Variants in WNK3 observed in about 807,000 individuals in gnomAD.
WNK3 encodes the protein serine/threonine-protein kinase WNK3.
In WNK3, 18 loss-of-function variants were observed where a neutral mutation model predicts 116.7. That is an observed-to-expected ratio of 0.15 (90% CI 0.11 to 0.23). WNK3 has a LOEUF of 0.23. Ranked by LOEUF, WNK3 falls within the 10% of genes least tolerant of loss-of-function variation. WNK3 has a pLI of 1.00. For synonymous variants in WNK3, 404 were observed against 469.4 expected (o/e 0.86, Z 1.80); for missense variants, 993 against 1,323.8 (o/e 0.75, Z 3.88).
intron 1 of WNK3, among the ~76,000 whole-genome samples, chrX:54,355,217 A>G (rs190143049): frequency 9.8e-5 from 11 of 112,025 alleles, no homozygotes; most frequent in Non-Finnish European, 2.1e-4. Flanking sequence ...AAGAAAGTTA[A>G]GTCAACACTA....
chrX:54,234,525 C>G (rs926397744), intron 20 of WNK3, among the ~76,000 whole-genome samples: 3 of 111,427 alleles, frequency 2.7e-5, no homozygotes, highest in Non-Finnish European at 5.7e-5. Flanking sequence ...TTAAAAGAAC[C>G]ATTAAAAACA....
chrX:54,303,306 A>G (rs782588086), intron 5 of WNK3, among the ~76,000 whole-genome samples: 9 of 111,231 alleles, frequency 8.1e-5, no homozygotes, highest in Non-Finnish European at 1.5e-4. Flanking sequence ...AGTCCAGACA[A>G]TTCAAAATGT....
chrX:54,219,939 G>C (rs1457478158), intron 22 of WNK3, among the ~76,000 whole-genome samples: 5 of 111,751 alleles, frequency 4.5e-5, no homozygotes, highest in Non-Finnish European at 7.5e-5. Flanking sequence ...AGTTGTGAGA[G>C]TTCAAAGGTG....
intron 2 of WNK3, among the ~76,000 whole-genome samples, chrX:54,314,314 G>A (rs782080316): frequency 6.9e-4 from 76 of 110,119 alleles, no homozygotes; most frequent in African/African-American, 2.2e-3. Flanking sequence ...AACAACACAT[G>A]TGAGTTTTGT....
chrX:54,321,504 T>C (rs1470581396), intron 2 of WNK3, among the ~76,000 whole-genome samples: 2 of 111,405 alleles, frequency 1.8e-5, no homozygotes, highest in African/African-American at 6.5e-5. Flanking sequence ...GATGGTGTAG[T>C]ACCCCAGAAC....
chrX:54,279,629 T>C (rs1557161894), intron 10 of WNK3, among the ~76,000 whole-genome samples: 1 of 112,076 alleles, frequency 8.9e-6, no homozygotes, highest in Non-Finnish European at 1.9e-5. Flanking sequence ...TGCATGGTCC[T>C]TACATTTTAT....
chrX:54,255,620 GA>G, intron 12 of WNK3, 119 bp downstream of exon 12: 1 of 574,247 alleles, frequency 1.7e-6, no homozygotes, highest in Non-Finnish European at 2.6e-6. Context: ...CTGTAACGGA[GA>G]AAAGGTTAGT....
At chrX:54,304,706 G>C in intron 5 of WNK3, among the ~76,000 whole-genome samples, 1 of 111,577 alleles carries the variant, frequency 9.0e-6, no homozygotes, top group Non-Finnish European at 1.9e-5. Flanking sequence ...GGTCCATAGG[G>C]TAGGGTGTGC....
At chrX:54,230,335 C>T (rs2067887106) in intron 21 of WNK3, among the ~76,000 whole-genome samples, 2 of 110,371 alleles carry the variant, frequency 1.8e-5, no homozygotes, top group East Asian at 5.7e-4. Flanking sequence ...AAACAGGATA[C>T]AAAAAAATAG....
chrX:54,232,686 GAAT>G, intron 21 of WNK3, 120 bp downstream of exon 21: 2 of 597,079 alleles, frequency 3.3e-6, no homozygotes, highest in Non-Finnish European at 2.5e-6. Context: ...AATAATCTCA[GAAT>G]AATGTGTACT....
chrX:54,316,060 G>C (rs2068951485), intron 2 of WNK3, among the ~76,000 whole-genome samples: 1 of 111,138 alleles, frequency 9.0e-6, no homozygotes, highest in Non-Finnish European at 1.9e-5. Flanking sequence ...ACTTTTGAGG[G>C]GGCATAACTA....
chrX:54,353,984 A>G (rs1479940158), intron 1 of WNK3, among the ~76,000 whole-genome samples: 1 of 101,865 alleles, frequency 9.8e-6, no homozygotes, highest in Non-Finnish European at 2.0e-5. Context: ...CGGGAGGCTG[A>G]GTGAGGCAGG....
intron 15 of WNK3, 26 bp downstream of exon 15, chrX:54,251,373 T>G: frequency 9.2e-7 from 1 of 1,089,315 alleles, no homozygotes; most frequent in Non-Finnish European, 1.2e-6. Flanking sequence ...AAAAACCAAA[T>G]GATAAATTTT....
chrX:54,233,101 T>A (rs931803649), intron 20 of WNK3, 81 bp from the exon 21 acceptor site: 17 of 777,227 alleles, frequency 2.2e-5, no homozygotes, highest in Non-Finnish European at 3.2e-5. Flanking sequence ...CCAGTATAAG[T>A]AAAGTTTAAC....
chrX:54,253,500 C>A (rs2068158492), intron 13 of WNK3, among the ~76,000 whole-genome samples: 2 of 110,950 alleles, frequency 1.8e-5, no homozygotes, highest in Non-Finnish European at 3.8e-5. Context: ...CTCCTGGGCT[C>A]AAGTGATCCT....
intron 22 of WNK3, among the ~76,000 whole-genome samples, chrX:54,216,093 G>C (rs1319194229): frequency 2.7e-5 from 3 of 109,580 alleles, no homozygotes; most frequent in African/African-American, 9.9e-5. Flanking sequence ...TGCTCGTTAA[G>C]AGTCATCACC....
At chrX:54,306,639 G>T (rs934158324) in intron 5 of WNK3, among the ~76,000 whole-genome samples, 1 of 110,936 alleles carries the variant, frequency 9.0e-6, no homozygotes, top group Non-Finnish European at 1.9e-5. Flanking sequence ...TGGGAGTTGT[G>T]GGGGAGGAAA....
In WNK3 at chrX:54,345,284, ATGTATGTATGTATG is replaced by A. The variant is rs1289328583; in HGVS notation, c.-119-11506_-119-11493del. On this transcript the variant is annotated intron_variant, in intron 1 of 23. Transcript: ENST00000354646. ...CAACAACAACAACAACTATATATATATGTATGTATGTATGTATGTATGTATGTATGTATGTATGT... is the reference window on the plus strand; with the variant it reads ...CAACAACAACAACAACTATATATATATATGTATGTATGTATGTATGTATGT... 5.8e-4 allele frequency among the ~76,000 whole-genome samples: 40 copies of A among 68,590 alleles called. 1 individual carries two copies. Among genetic ancestry groups the A allele is most frequent in the African/African-American group, 3.2e-3 (36 of 11,331 alleles). The allele number at this position is 68,590 out of a possible 115,157, so 59.6% of individuals were successfully genotyped here. A position where few individuals can be genotyped will look rare whatever the true frequency, so the allele number is the denominator to read the frequency against.
chrX:54,245,942 A>G (rs1026024017), intron 17 of WNK3, among the ~76,000 whole-genome samples: 1 of 112,409 alleles, frequency 8.9e-6, no homozygotes, highest in Non-Finnish European at 1.9e-5. Flanking sequence ...AATGAAAATT[A>G]CTGCGCCCAG....
Sources: gnomAD v4.1 joint callset for allele counts (sites outside exome capture counted in the v4.1 genomes callset) on GRCh38, gnomAD v4.1.1 for gene constraint, MANE v1.5 for transcripts, NCBI Gene and HGNC (gene_info 2026-07-23, HGNC 2026-07-21) for gene names.